Variants in ENO3 observed in about 807,000 individuals in gnomAD.
ENO3 encodes the protein enolase 3.
In ENO3, 46 loss-of-function variants were observed where a neutral mutation model predicts 47.7. That is an observed-to-expected ratio of 0.96 (90% CI 0.76 to 1.23). The LOEUF is 1.23. Ranked by LOEUF, ENO3 falls within the 50% of genes most tolerant of loss-of-function variation. The pLI, the probability that ENO3 is intolerant of heterozygous loss-of-function variation, is 0.00. For missense variants in ENO3, 575 were observed against 566.2 expected, an observed-to-expected ratio of 1.02 and a Z score of -0.16; for synonymous variants, 223 against 225.9, an observed-to-expected ratio of 0.99 and a Z score of 0.11.
At chr17:4,949,531 C>G (rs1971481103), upstream of ENO3, among the ~76,000 whole-genome samples, 1 of 150,778 alleles carries the variant, frequency 6.6e-6, no homozygotes, top group Non-Finnish European at 1.5e-5. Flanking sequence ...AGAGTGGCAA[C>G]TTTTTCAAGA....
At chr17:4,953,183 G>A (rs865889960) in intron 4 of ENO3, 74 bp downstream of exon 4, 21 of 1,612,838 alleles carry the variant, frequency 1.3e-5, no homozygotes, top group Middle Eastern at 1.6e-4. Context: ...GGCCTCTCCC[G>A]AAACATTTTC....
rs1251600089 is a variant in ENO3 at position 4,953,118 on chromosome 17, G to A, written c.240+9G>A. 4.3e-6 allele frequency: 7 copies of A among 1,613,974 alleles called. No individual in the cohort carries two copies. In the South Asian group the frequency reaches 5.5e-5, roughly 13 times the overall value. ...CTGCTCTGCTGCAAAAGGCAAGTGGGGAAGCCCGCTCGCTGCAGCCTCCTC... is the reference window on the plus strand; with the variant it reads ...CTGCTCTGCTGCAAAAGGCAAGTGGAGAAGCCCGCTCGCTGCAGCCTCCTC... On this transcript the variant is annotated intron_variant, in intron 4 of 11. Coordinates refer to ENST00000519602, the MANE Select transcript of ENO3 (RefSeq NM_053013.4).
In ENO3 at chr17:4,951,855, G is replaced by A. The variant is rs748021822; in HGVS notation, c.26G>A (p.Arg9Gln). ...ATGGCCATGCAGAAAATCTTTGCCC[G>A]GGAAATCTTGGACTCCAGGGGCAAC... is the stretch of plus-strand genomic sequence containing the variant. MAMQKIFA[R>Q]EILDSRGNPT... Residue 9 changes from arginine to glutamine, a missense_variant, in exon 2 of 12, where the codon CGG becomes CAG. Transcript: ENST00000519602. The A allele has an allele frequency of 8.7e-6, 14 of 1,613,994 alleles. No homozygotes were observed. Among genetic ancestry groups the A allele is most frequent in the Non-Finnish European group, 4.2e-6 (5 of 1,179,998 alleles).
At chr17:4,951,224 G>A in intron 1 of ENO3, 42 bp downstream of exon 1, 8 of 997,212 alleles carry the variant, frequency 8.0e-6, no homozygotes, top group Non-Finnish European at 9.6e-6. Flanking sequence ...GGTAGTAAAG[G>A]GTGAGCATGG....
chr17:4,954,026 T>A, intron 6 of ENO3, 181 bp downstream of exon 6: 1 of 930,998 alleles, frequency 1.1e-6, no homozygotes, highest in Non-Finnish European at 1.6e-6. Flanking sequence ...AAACCTTCCC[T>A]GAAGGCTCTA....
rs75748087 is a variant in ENO3 at position 4,955,528 on chromosome 17, G to A, written c.789G>A (p.Ser263=). The A allele has an allele frequency of 1.4e-3, 2,287 of 1,614,190 alleles. 30 individuals carry two copies. In the African/African-American group the frequency reaches 0.026, roughly 18 times the overall value. Residue 263 remains serine, a synonymous_variant, in exon 8 of 12, where the codon TCG becomes TCA. Transcript: ENST00000519602. The part of the protein sequence containing the change: ...RNGKYDLDFK[S]PDDPARHITG... The stretch of plus-strand genomic sequence containing the variant: ...GGAAGTACGATCTTGACTTCAAGTC[G>A]CCTGATGATCCCGCACGGCACATCA...
upstream of ENO3, chr17:4,949,005 G>C (rs1441351027): frequency 6.6e-6 from 1 of 151,884 alleles, no homozygotes; most frequent in Admixed American, 6.6e-5. Context: ...GCCTGCGCCG[G>C]GGCCGGGAGT....
At chr17:4,955,352 G>T in intron 7 of ENO3, 55 bp downstream of exon 7, 1 of 1,614,174 alleles carries the variant, frequency 6.2e-7, no homozygotes, top group Non-Finnish European at 8.5e-7. Context: ...ATGGGCAGGG[G>T]AGGCTGCAGA....
intron 4 of ENO3, 53 bp downstream of exon 4, chr17:4,953,162 CAG>C: frequency 6.2e-7 from 1 of 1,613,436 alleles, no homozygotes; most frequent in Non-Finnish European, 8.5e-7. Context: ...CCTGCTCCCT[CAG>C]CCCAGACAGG....
intron 6 of ENO3, 153 bp downstream of exon 6, chr17:4,953,998 C>A: frequency 8.4e-7 from 1 of 1,185,284 alleles, no homozygotes; most frequent in Non-Finnish European, 1.2e-6. Context: ...TCCCACCCCT[C>A]CCTCTCTTCC....
chr17:4,953,895 C>T (rs1360319557), intron 6 of ENO3, 50 bp downstream of exon 6: 2 of 1,613,430 alleles, frequency 1.2e-6, no homozygotes, highest in East Asian at 2.2e-5. Flanking sequence ...CAGAGCCAAC[C>T]CCGCCCAGCC....
intron 6 of ENO3, chr17:4,954,271 C>A (rs1971649295): frequency 4.0e-6 from 1 of 248,590 alleles, no homozygotes; most frequent in African/African-American, 2.3e-5. Flanking sequence ...TTTCTTGTTA[C>A]TTACTAGGAG....
chr17:4,955,341 C>T (rs936942729), intron 7 of ENO3, 44 bp downstream of exon 7: 17 of 1,613,912 alleles, frequency 1.1e-5, no homozygotes, highest in Non-Finnish European at 1.4e-5. Context: ...TGGATCTCCA[C>T]ATGGGCAGGG....
intron 2 of ENO3, 72 bp from the exon 3 acceptor site, chr17:4,952,723 A>G: frequency 1.4e-6 from 2 of 1,477,204 alleles, no homozygotes; most frequent in Non-Finnish European, 1.9e-6. Flanking sequence ...AGGCCTCTCA[A>G]AGTGCTGGGA....
upstream of ENO3, among the ~76,000 whole-genome samples, chr17:4,949,719 C>T (rs113676037): frequency 0.024 from 3,601 of 152,230 alleles, 57 homozygotes; most frequent in Non-Finnish European, 0.038. Flanking sequence ...GGCAAGGGGT[C>T]ACCGAGCGCG....
chr17:4,956,825 C>T lies in ENO3; in HGVS notation c.1177-6C>T. 6.2e-7 allele frequency: 1 copy of T among 1,614,214 alleles called. No individual in the cohort carries two copies. Among genetic ancestry groups the T allele is most frequent in the Non-Finnish European group, 8.5e-7 (1 of 1,180,046 alleles). ...CTAACCCTCCAAATTCTTCTTCCCT[C>T]ATCAGATCAAGACTGGCGCCCCCTG... is the stretch of plus-strand genomic sequence containing the variant. On this transcript the variant is annotated splice_region_variant and splice_polypyrimidine_tract_variant and intron_variant, in intron 10 of 11. Coordinates refer to ENST00000519602, the MANE Select transcript of ENO3 (RefSeq NM_053013.4).
At chr17:4,951,681 T>A (rs1157104984) in intron 1 of ENO3, 147 bp from the exon 2 acceptor site, 1 of 837,822 alleles carries the variant, frequency 1.2e-6, no homozygotes, top group Non-Finnish European at 2.0e-6. Flanking sequence ...GGGCTGCGCC[T>A]GCCTCTTTGG....
At chr17:4,950,917 T>C (rs570979193), upstream of ENO3, among the ~76,000 whole-genome samples, 10 of 152,312 alleles carry the variant, frequency 6.6e-5, no homozygotes, top group South Asian at 4.1e-4. Flanking sequence ...GGGACTGTTA[T>C]TGGGAGACAG....
intron 1 of ENO3, 29 bp from the exon 2 acceptor site, chr17:4,951,799 T>TACAC: frequency 1.2e-6 from 2 of 1,610,124 alleles, no homozygotes; most frequent in Non-Finnish European, 1.7e-6. Context: ...ATCAACTGTC[T>TACAC]ACACTCACTC....
Sources: gnomAD v4.1 joint callset for allele counts (sites outside exome capture counted in the v4.1 genomes callset) on GRCh38, gnomAD v4.1.1 for gene constraint, MANE v1.5 for transcripts, NCBI Gene and HGNC (gene_info 2026-07-23, HGNC 2026-07-21) for gene names.